CDH18: variants seen among roughly 807,000 people sequenced by gnomAD.
CDH18 encodes cadherin-18.
CDH18 carries 31 observed loss-of-function variants against 67.9 expected under a neutral mutation model. The observed-to-expected ratio is 0.46, with a 90% CI of 0.34 to 0.62. The LOEUF (loss-of-function observed/expected upper bound fraction) is 0.62, where lower values mean the gene tolerates loss of function less well. CDH18 is among the 20% of genes least tolerant of loss of function. The pLI is 0.01. For synonymous variants in CDH18, 362 were observed against 347.2 expected, an observed-to-expected ratio of 1.04 and a Z score of -0.48; for missense variants, 890 against 975.5, an observed-to-expected ratio of 0.91 and a Z score of 1.17.
At chr5:20,148,198 T>A (rs986730149) in intron 2 of CDH18, among the ~76,000 whole-genome samples, 13 of 152,040 alleles carry the variant, frequency 8.6e-5, no homozygotes, top group African/African-American at 2.7e-4. Context: ...TTCAAGCGAT[T>A]CTCCTGCCTC....
intron 1 of CDH18, among the ~76,000 whole-genome samples, chr5:20,450,956 A>G (rs1750400168): frequency 6.6e-6 from 1 of 152,124 alleles, no homozygotes; most frequent in Admixed American, 6.6e-5. Context: ...TCTTTATAAA[A>G]CCATCAGATC....
chr5:19,592,827 C>T (rs1288912649), intron 6 of CDH18, among the ~76,000 whole-genome samples: 1 of 152,024 alleles, frequency 6.6e-6, no homozygotes, highest in Non-Finnish European at 1.5e-5. Context: ...ACTCCTCACT[C>T]ACCTTCCCTA....
intron 2 of CDH18, among the ~76,000 whole-genome samples, chr5:20,246,979 T>G (rs749186206): frequency 1.2e-4 from 18 of 152,148 alleles, no homozygotes; most frequent in Non-Finnish European, 2.4e-4. Flanking sequence ...TCCTGGCCAC[T>G]CAGCTCTTTT....
chr5:20,333,924 CTATT>C (rs1161399962), intron 1 of CDH18, among the ~76,000 whole-genome samples: 8 of 151,530 alleles, frequency 5.3e-5, no homozygotes, highest in East Asian at 1.9e-4. Flanking sequence ...TCATAAGTAA[CTATT>C]TAATTTATAA....
chr5:19,876,025 T>C (rs967960291), intron 2 of CDH18, among the ~76,000 whole-genome samples: 2 of 151,966 alleles, frequency 1.3e-5, no homozygotes, highest in African/African-American at 2.4e-5. Flanking sequence ...TTTACCAAAA[T>C]TGTCTGCTCC....
At chr5:20,047,831 T>G (rs575629550) in intron 2 of CDH18, among the ~76,000 whole-genome samples, 1 of 151,804 alleles carries the variant, frequency 6.6e-6, no homozygotes, top group Admixed American at 6.6e-5. Context: ...TGATACTCTT[T>G]CAGCAAATTG....
intron 8 of CDH18, among the ~76,000 whole-genome samples, chr5:19,566,757 C>G (rs941454727): frequency 6.6e-6 from 1 of 152,090 alleles, no homozygotes; most frequent in Non-Finnish European, 1.5e-5. Context: ...GAAAGGAAAC[C>G]AGTACACTGA....
chr5:19,708,710 C>A (rs935290239), intron 5 of CDH18, among the ~76,000 whole-genome samples: 1 of 152,198 alleles, frequency 6.6e-6, no homozygotes, highest in South Asian at 2.1e-4. Context: ...CTGCAGATAA[C>A]TAGCCAGAGC....
intron 1 of CDH18, among the ~76,000 whole-genome samples, chr5:20,572,777 C>T (rs993432382): frequency 6.6e-6 from 1 of 152,034 alleles, no homozygotes; most frequent in African/African-American, 2.4e-5. Context: ...TTCACAATGG[C>T]TAAAATGAGT....
At chr5:19,884,106 T>C (rs1013064316) in intron 2 of CDH18, among the ~76,000 whole-genome samples, 10 of 152,140 alleles carry the variant, frequency 6.6e-5, no homozygotes, top group African/African-American at 2.2e-4. Context: ...GAATAGCACA[T>C]CTTTTTCTAT....
intron 2 of CDH18, among the ~76,000 whole-genome samples, chr5:20,056,391 T>A (rs1262670164): frequency 1.3e-5 from 2 of 148,786 alleles, no homozygotes; most frequent in Non-Finnish European, 1.5e-5. Context: ...CTGTTTTTTT[T>A]GTTTGTTTGT....
intron 2 of CDH18, among the ~76,000 whole-genome samples, chr5:20,252,101 T>A (rs1413756847): frequency 6.6e-6 from 1 of 151,896 alleles, no homozygotes; most frequent in African/African-American, 2.4e-5. Flanking sequence ...ATAAAAAATA[T>A]TAATCACTTT....
chr5:20,082,441 G>A (rs1744559560), intron 2 of CDH18, among the ~76,000 whole-genome samples: 1 of 152,120 alleles, frequency 6.6e-6, no homozygotes, highest in Non-Finnish European at 1.5e-5. Context: ...AGTTTCTAAT[G>A]TACTATTTTT....
chr5:20,558,434 A>C (rs116426942), intron 1 of CDH18, among the ~76,000 whole-genome samples: 20 of 152,210 alleles, frequency 1.3e-4, no homozygotes, highest in African/African-American at 4.6e-4. Flanking sequence ...CATTTATTTA[A>C]ATAACTTAGG....
At chr5:20,189,662 A>C (rs1267547471) in intron 2 of CDH18, among the ~76,000 whole-genome samples, 1 of 152,148 alleles carries the variant, frequency 6.6e-6, no homozygotes, top group Non-Finnish European at 1.5e-5. Flanking sequence ...GGCAGAACCA[A>C]GGAAGATTAC....
intron 1 of CDH18, among the ~76,000 whole-genome samples, chr5:20,498,908 G>A (rs1754070698): frequency 6.6e-6 from 1 of 151,998 alleles, no homozygotes. Flanking sequence ...TAACTTAACA[G>A]AATGAGTGAA....
At chr5:20,503,415 T>G (rs1361636200) in intron 1 of CDH18, among the ~76,000 whole-genome samples, 1 of 152,144 alleles carries the variant, frequency 6.6e-6, no homozygotes, top group African/African-American at 2.4e-5. Context: ...ATCAATAAAA[T>G]TAATGAAAAA....
intron 1 of CDH18, among the ~76,000 whole-genome samples, chr5:20,295,429 T>G (rs1747410173): frequency 6.6e-6 from 1 of 152,098 alleles, no homozygotes; most frequent in African/African-American, 2.4e-5. Flanking sequence ...GGTTATCAAT[T>G]GCACAGGAAT....
At chr5:19,631,864 C>CA (rs1752466204) in intron 5 of CDH18, among the ~76,000 whole-genome samples, 1 of 151,886 alleles carries the variant, frequency 6.6e-6, no homozygotes, top group Admixed American at 6.6e-5. Flanking sequence ...TCATTAATTG[C>CA]ATGTTTTAGC....
Sources: gnomAD v4.1 joint callset for allele counts (sites outside exome capture counted in the v4.1 genomes callset) on GRCh38, gnomAD v4.1.1 for gene constraint, MANE v1.5 for transcripts, NCBI Gene and HGNC (gene_info 2026-07-23, HGNC 2026-07-21) for gene names.